CRACR2A: variants seen among roughly 807,000 people sequenced by gnomAD.
CRACR2A encodes EF-hand calcium-binding domain-containing protein 4B.
Under a neutral mutation model 90.5 loss-of-function variants are expected in CRACR2A, and 79 were observed. The ratio of observed to expected loss-of-function variants is 0.87; its 90% CI spans 0.73 to 1.05. The LOEUF (loss-of-function observed/expected upper bound fraction) is 1.05, where lower values mean the gene tolerates loss of function less well. Ranked by LOEUF, CRACR2A falls within the 50% of genes least tolerant of loss-of-function variation. The pLI is 0.00. For missense variants in CRACR2A, 823 were observed against 897.2 expected, an observed-to-expected ratio of 0.92 and a Z score of 1.06; for synonymous variants, 338 against 356.7, an observed-to-expected ratio of 0.95 and a Z score of 0.59.
rs1176356480 is a variant in CRACR2A at position 3,640,673 on chromosome 12, G to A, written c.1271+1059C>T. ...ACTGATGAGCTGATTTACATCTCCA[G>A]AGTCACTTCCGCTTTGCATATCTTT... On this transcript the variant is annotated intron_variant, in intron 13 of 19. Coordinates refer to ENST00000440314, the MANE Select transcript of CRACR2A (RefSeq NM_001144958.2). The A allele has an allele frequency of 2.3e-6, 3 of 1,305,292 alleles. No individual in the cohort carries two copies. The African/African-American group carries it at 4.6e-5, about 20-fold the overall frequency. The allele number at this position is 1,305,292 out of a possible 1,614,324, so 80.9% of individuals were successfully genotyped here.
In CRACR2A at chr12:3,680,453, C is replaced by G; in HGVS notation, c.229-104G>C. 7.8e-6 allele frequency: 7 copies of G among 901,704 alleles called. No homozygotes were observed. The South Asian group carries it at 1.1e-4, about 14-fold the overall frequency. 55.9% of individuals were successfully genotyped at this position (901,704 alleles called of 1,614,324 possible). A position where few individuals can be genotyped will look rare whatever the true frequency, so the allele number is the denominator to read the frequency against. Reference sequence around the variant, plus strand: ...GCCAGAAAGTGTCTAGAGTTCGGCCCAGTCCTACAAAAGCCAGTAGAAAGC... The same window carrying G: ...GCCAGAAAGTGTCTAGAGTTCGGCCGAGTCCTACAAAAGCCAGTAGAAAGC... On this transcript the variant is annotated intron_variant, in intron 4 of 19. Coordinates refer to ENST00000440314, the MANE Select transcript of CRACR2A (RefSeq NM_001144958.2).
intron 3 of CRACR2A, among the ~76,000 whole-genome samples, chr12:3,705,919 G>A (rs189806365): frequency 3.0e-3 from 459 of 152,266 alleles, no homozygotes; most frequent in African/African-American, 9.8e-3. Context: ...TATCTCTGTG[G>A]TGTCAATATT....
chr12:3,716,873 C>T (rs1473673412), intron 2 of CRACR2A, among the ~76,000 whole-genome samples: 1 of 152,032 alleles, frequency 6.6e-6, no homozygotes, highest in Non-Finnish European at 1.5e-5. Context: ...AGATGTTATA[C>T]CAAGTTAGTA....
chr12:3,670,588 A>G (rs746003418), intron 7 of CRACR2A, among the ~76,000 whole-genome samples: 17 of 152,286 alleles, frequency 1.1e-4, no homozygotes, highest in Middle Eastern at 3.4e-3. Flanking sequence ...GCCTTTATAC[A>G]TAGGTCCACC....
At chr12:3,687,887 A>G (rs1275688241) in intron 4 of CRACR2A, among the ~76,000 whole-genome samples, 1 of 152,112 alleles carries the variant, frequency 6.6e-6, no homozygotes, top group Non-Finnish European at 1.5e-5. Flanking sequence ...AGCCATTCTG[A>G]CTAGTGTGAG....
In CRACR2A at chr12:3,748,194, C is replaced by T. The variant is rs148993130; in HGVS notation, c.-387+4821G>A. 1.8e-3 allele frequency among the ~76,000 whole-genome samples: 276 copies of T among 152,348 alleles called. 1 individual carries two copies. The highest frequency in any genetic ancestry group is 6.4e-3 in the African/African-American group (268 of 41,586). On this transcript the variant is annotated intron_variant, in intron 1 of 19. Transcript: ENST00000440314. ...AGGCCCAGCCTCACATTTTTCCACC[C>T]CCAGGCAGGGCAGCTCTATTGTGTG...
At chr12:3,675,820 G>A (rs1448171386) in intron 6 of CRACR2A, among the ~76,000 whole-genome samples, 1 of 152,124 alleles carries the variant, frequency 6.6e-6, no homozygotes, top group Non-Finnish European at 1.5e-5. Flanking sequence ...GAACCCTCAG[G>A]AGAAGGAATA....
intron 6 of CRACR2A, among the ~76,000 whole-genome samples, chr12:3,677,065 A>G (rs1945348454): frequency 6.6e-6 from 1 of 152,184 alleles, no homozygotes; most frequent in Admixed American, 6.5e-5. Flanking sequence ...CACCAAGAAA[A>G]GTCAAAGTGC....
chr12:3,672,879 C>T (rs1013364533), intron 7 of CRACR2A: 21 of 820,938 alleles, frequency 2.6e-5, no homozygotes, highest in Admixed American at 1.2e-4. Flanking sequence ...GAGGCCGTGA[C>T]GGGAGAGAGC....
intron 2 of CRACR2A, among the ~76,000 whole-genome samples, chr12:3,714,797 T>C (rs570481540): frequency 6.6e-6 from 1 of 152,304 alleles, no homozygotes; most frequent in East Asian, 1.9e-4. Context: ...GATCTTAGGG[T>C]GATGAACAAC....
At chr12:3,752,331 C>T (rs1946719276) in intron 1 of CRACR2A, among the ~76,000 whole-genome samples, 1 of 54,184 alleles carries the variant, frequency 1.8e-5, no homozygotes, top group South Asian at 8.4e-4. Context: ...CACTCGCACA[C>T]ACACGGACAC....
intron 17 of CRACR2A, among the ~76,000 whole-genome samples, chr12:3,624,875 G>A (rs1320793767): frequency 6.6e-6 from 1 of 152,222 alleles, no homozygotes; most frequent in Non-Finnish European, 1.5e-5. Context: ...GGTTCAAGGA[G>A]CGCTTGTTTA....
rs547818038 is a variant in CRACR2A, at chr12:3,729,028, C to T, written c.-118+3914G>A. The T allele has an allele frequency of 2.0e-5, 3 of 152,340 alleles. No homozygotes were observed. In the East Asian group the frequency reaches 5.8e-4, roughly 29 times the overall value. 9.4% of individuals were successfully genotyped at this position (152,340 alleles called of 1,614,324 possible). On this transcript the variant is annotated intron_variant, in intron 2 of 19. Coordinates refer to ENST00000440314, the MANE Select transcript of CRACR2A (RefSeq NM_001144958.2). ...ACATTCTGGACACAACCCAACGCATCCATGTCACCAATACCACATGTAGCT... is the reference window on the plus strand; with the variant it reads ...ACATTCTGGACACAACCCAACGCATTCATGTCACCAATACCACATGTAGCT...
intron 2 of CRACR2A, among the ~76,000 whole-genome samples, chr12:3,717,571 T>C (rs1267054865): frequency 6.6e-6 from 1 of 152,150 alleles, no homozygotes; most frequent in African/African-American, 2.4e-5. Flanking sequence ...ACAACAGCAA[T>C]AACCATAAAA....
chr12:3,709,431 T>C (rs1213480960), intron 3 of CRACR2A, among the ~76,000 whole-genome samples: 1 of 152,234 alleles, frequency 6.6e-6, no homozygotes, highest in Non-Finnish European at 1.5e-5. Flanking sequence ...TAATTTATTG[T>C]AGGAAAACAG....
intron 2 of CRACR2A, among the ~76,000 whole-genome samples, chr12:3,719,391 T>A (rs1303975202): frequency 1.3e-5 from 2 of 152,188 alleles, no homozygotes; most frequent in Non-Finnish European, 2.9e-5. Flanking sequence ...TCCTGTCCAT[T>A]TCATTTCTTT....
rs1408862534 is a variant in CRACR2A, at chr12:3,644,217, G to A, written c.1164+378C>T. Among the ~76,000 whole-genome samples the A allele has an allele frequency of 2.0e-5, 3 of 151,640 alleles. No individual in the cohort carries two copies. In the East Asian group the frequency reaches 5.8e-4, roughly 29 times the overall value. On this transcript the variant is annotated intron_variant, in intron 12 of 19. Transcript: ENST00000440314. The stretch of plus-strand genomic sequence containing the variant: ...AATGTGGTCTATGACAGTATAAAAT[G>A]CAAAATTTTCATCGAGATAAAAATT...
intron 3 of CRACR2A, among the ~76,000 whole-genome samples, chr12:3,703,449 C>T (rs188535974): frequency 4.9e-4 from 75 of 152,242 alleles, no homozygotes; most frequent in Admixed American, 3.0e-3. Context: ...TATCATGGAC[C>T]TAAATGTAAA....
chr12:3,696,075 C>T (rs1591694206), intron 4 of CRACR2A, among the ~76,000 whole-genome samples: 1 of 152,236 alleles, frequency 6.6e-6, no homozygotes, highest in East Asian at 1.9e-4. Flanking sequence ...ATTCAAACTT[C>T]CTTGTCCATA....
Sources: allele counts gnomAD v4.1 joint callset (sites outside exome capture counted in the v4.1 genomes callset), GRCh38; gene constraint gnomAD v4.1.1; transcripts MANE v1.5; gene names NCBI Gene and HGNC (gene_info 2026-07-23, HGNC 2026-07-21).